The following QSOX2 variants were observed in gnomAD, a reference collection of about 807,000 sequenced individuals.
QSOX2 encodes the protein quiescin sulfhydryl oxidase 2.
QSOX2 carries 46 observed loss-of-function variants against 61.7 expected under a neutral mutation model. The ratio of observed to expected loss-of-function variants is 0.75; its 90% CI spans 0.59 to 0.95. The LOEUF (loss-of-function observed/expected upper bound fraction) is 0.95. Among genes scored for constraint, QSOX2 ranks in the 40% least tolerant of loss-of-function variants. The pLI, the probability that QSOX2 is intolerant of heterozygous loss-of-function variation, is 0.00. For synonymous variants in QSOX2, 383 were observed against 388.4 expected, an observed-to-expected ratio of 0.99 and a Z score of 0.16; for missense variants, 879 against 918.9, an observed-to-expected ratio of 0.96 and a Z score of 0.56.
intron 8 of QSOX2, among the ~76,000 whole-genome samples, chr9:136,217,109 C>G (rs1267714277): frequency 1.3e-5 from 2 of 152,254 alleles, no homozygotes; most frequent in African/African-American, 4.8e-5. Context: ...CTGACCCCGC[C>G]TGCCCGCCCG....
intron 1 of QSOX2, among the ~76,000 whole-genome samples, chr9:136,231,220 G>A (rs982126137): frequency 6.6e-6 from 1 of 152,168 alleles, no homozygotes; most frequent in Non-Finnish European, 1.5e-5. Flanking sequence ...CACACACCTC[G>A]AGCATGGAGG....
chr9:136,210,472 G>C (rs947114615), intron 11 of QSOX2: 4 of 985,222 alleles, frequency 4.1e-6, no homozygotes, highest in African/African-American at 1.7e-5. Flanking sequence ...CCGAGGGCTC[G>C]GGGAAAGCAC....
intron 6 of QSOX2, among the ~76,000 whole-genome samples, chr9:136,220,298 G>A (rs375228715): frequency 3.3e-5 from 5 of 152,314 alleles, no homozygotes; most frequent in African/African-American, 1.2e-4. Flanking sequence ...GAAAGTGCTG[G>A]GATTACAGGT....
At position 136,230,265 on chromosome 9, in the gene QSOX2, G is replaced by A. The variant is rs376807669; in HGVS notation, c.329-3391C>T. Among the ~76,000 whole-genome samples the A allele has an allele frequency of 1.3e-3, 199 of 152,320 alleles. 2 individuals carry two copies. Among genetic ancestry groups the A allele is most frequent in the African/African-American group, 4.4e-3 (181 of 41,576 alleles). On this transcript the variant is annotated intron_variant, in intron 1 of 11. Coordinates refer to ENST00000358701, the MANE Select transcript of QSOX2 (RefSeq NM_181701.4). Reference sequence around the variant, plus strand: ...CTGCACTCCAGCCTGGCGCCAGAGCGAGACTCTATCTCAAAAAACCCTAAA... The same window carrying A: ...CTGCACTCCAGCCTGGCGCCAGAGCAAGACTCTATCTCAAAAAACCCTAAA...
chr9:136,235,433 A>T (rs1830372547), intron 1 of QSOX2, among the ~76,000 whole-genome samples: 1 of 152,212 alleles, frequency 6.6e-6, no homozygotes, highest in Admixed American at 6.5e-5. Flanking sequence ...GGCAGGGCAG[A>T]AGGGGAGGCG....
chr9:136,215,374 G>C, intron 9 of QSOX2, 70 bp from the exon 10 acceptor site: 1 of 1,344,188 alleles, frequency 7.4e-7, no homozygotes, highest in Non-Finnish European at 9.9e-7. Flanking sequence ...ACAGTCGACA[G>C]CTGCCTTCTT....
In QSOX2 at chr9:136,221,213, C is replaced by G. The variant is rs1226212718; in HGVS notation, c.821+583G>C. On this transcript the variant is annotated intron_variant, in intron 6 of 11. Transcript: ENST00000358701. This position sits in a 1 kb window ranked among gnomAD's most constrained non-coding sequence, Gnocchi z 4.5. ...CCCACGCAGGGGCAAAGGGCTTATC[C>G]TCATGAGGGGCACACAGGCACCCCA... 6.9e-6 allele frequency among the ~76,000 whole-genome samples: 1 copy of G among 145,420 alleles called. No individual in the cohort carries two copies. Among genetic ancestry groups the G allele is most frequent in the African/African-American group, 2.7e-5 (1 of 37,484 alleles).
In QSOX2 at chr9:136,206,705, C is replaced by A. The variant is rs371680064; in HGVS notation, c.*2023G>T. On this transcript the variant is annotated 3_prime_UTR_variant, in exon 12 of 12. Transcript: ENST00000358701. The stretch of plus-strand genomic sequence containing the variant: ...CTGAAAATCCTGCCCCTCAGCAGGA[C>A]GCAAGCTTGTTCCCCAAATAGTGGT... The A allele has an allele frequency of 6.6e-6, 1 of 152,314 alleles. No individual in the cohort carries two copies. The highest frequency in any genetic ancestry group is 6.5e-5 in the Admixed American group (1 of 15,274). 9.4% of individuals were successfully genotyped at this position (152,314 alleles called of 1,614,324 possible).
chr9:136,227,021 A>G (rs941751275), intron 1 of QSOX2, 147 bp from the exon 2 acceptor site: 2 of 662,426 alleles, frequency 3.0e-6, no homozygotes, highest in Non-Finnish European at 5.5e-6. Context: ...CTCATCACAC[A>G]GAGCGTCTAT....
In QSOX2 at chr9:136,208,929, T is replaced by C. The variant is rs1282351017; in HGVS notation, c.1896A>G (p.Lys632=). ...CCCCGGGCCCATCCAGACTCTGGAG[T>C]TTCCCGTCCAAGCTGTGATGCAAGC... ...PESLHHSLDG[K]LQSLDGPGAH... Residue 632 remains lysine, a synonymous_variant, in exon 12 of 12, where the codon AAA becomes AAG. Coordinates refer to ENST00000358701, the MANE Select transcript of QSOX2 (RefSeq NM_181701.4). 1.2e-6 allele frequency: 2 copies of C among 1,613,182 alleles called. No homozygotes were observed. Among genetic ancestry groups the C allele is most frequent in the Admixed American group, 1.7e-5 (1 of 59,958 alleles).
In QSOX2 at chr9:136,216,665, C is replaced by T. The variant is rs759251212; in HGVS notation, c.1144G>A (p.Ala382Thr). 1 of 1,613,940 alleles carries T rather than the reference C, an allele frequency of 6.2e-7. No homozygotes were observed. The highest frequency in any genetic ancestry group is 1.1e-5 in the South Asian group (1 of 91,078). Residue 382 changes from alanine (A) to threonine (T), a missense_variant, in exon 9 of 12, where the codon GCC becomes ACC. Coordinates refer to ENST00000358701, the MANE Select transcript of QSOX2 (RefSeq NM_181701.4). ...KLLEMLQEWLASLPLDRIPYN... is the reference protein window; with the variant it reads ...KLLEMLQEWLTSLPLDRIPYN... ...GGGATCCTGTCCAGGGGAAGGCTGG[C>T]CAGCCACTCCTGCAGCATCTCCAAC...
intron 8 of QSOX2, among the ~76,000 whole-genome samples, chr9:136,217,353 C>T (rs1332647247): frequency 6.6e-6 from 1 of 152,186 alleles, no homozygotes; most frequent in African/African-American, 2.4e-5. Context: ...GAAAGAGCTC[C>T]GAAAACCCGA....
Position 136,211,261 on chromosome 9 carries a change from C to T in QSOX2, c.1549+3G>A. ...GAGCCCCCCATGCCCAGGGGCTTCT[C>T]ACCTGCCAGGCGGCCGTTCACCATA... On this transcript the variant is annotated splice_donor_region_variant and intron_variant, in intron 11 of 11. Transcript: ENST00000358701. The T allele has an allele frequency of 3.1e-6, 5 of 1,613,640 alleles. No individual in the cohort carries two copies. Among genetic ancestry groups the T allele is most frequent in the Non-Finnish European group, 4.2e-6 (5 of 1,179,610 alleles).
chr9:136,210,593 A>ACCCCGG, intron 11 of QSOX2: 14 of 985,256 alleles, frequency 1.4e-5, no homozygotes, highest in Non-Finnish European at 1.7e-5. Flanking sequence ...TCGTCACATG[A>ACCCCGG]CCCCGGCCCC....
chr9:136,214,765 G>A (rs1254113768), intron 10 of QSOX2, among the ~76,000 whole-genome samples: 1 of 152,224 alleles, frequency 6.6e-6, no homozygotes, highest in Non-Finnish European at 1.5e-5. Context: ...GGTTCTGGCT[G>A]CTAAATTTTG....
intron 1 of QSOX2, among the ~76,000 whole-genome samples, chr9:136,237,336 G>A (rs1316187950): frequency 7.6e-6 from 1 of 132,346 alleles, no homozygotes; most frequent in African/African-American, 2.9e-5. Flanking sequence ...CCTGCTCTGG[G>A]CCGGCGTCAC....
chr9:136,223,720 A>C lies in QSOX2; in HGVS notation c.675+43T>G. 1.3e-6 allele frequency: 2 copies of C among 1,517,606 alleles called. No homozygotes were observed. Among genetic ancestry groups the C allele is most frequent in the Non-Finnish European group, 1.8e-6 (2 of 1,096,786 alleles). 94.0% of individuals were successfully genotyped at this position (1,517,606 alleles called of 1,614,324 possible). A position where few individuals can be genotyped will look rare whatever the true frequency, so the allele number is the denominator to read the frequency against. The stretch of plus-strand genomic sequence containing the variant: ...CATCACAGATCCACCGCCAACCCCA[A>C]TCACACCACGTGTGACACCTGGAGC... On this transcript the variant is annotated intron_variant, in intron 5 of 11. Transcript: ENST00000358701. The surrounding 1 kb of genome is among the most constrained non-coding windows in gnomAD (Gnocchi z 4.4).
intron 1 of QSOX2, among the ~76,000 whole-genome samples, chr9:136,235,903 G>A (rs573505158): frequency 7.8e-4 from 119 of 152,336 alleles, no homozygotes; most frequent in Non-Finnish European, 1.0e-3. Flanking sequence ...TTTCATCAGC[G>A]ACACTCTCTG....
At position 136,216,627 on chromosome 9, in the gene QSOX2, C is replaced by T; in HGVS notation, c.1182G>A (p.Val394=). The change falls in exon 9 of 12, where the codon GTG becomes GTA. Residue 394 remains valine (V), a synonymous_variant. Transcript: ENST00000358701. The stretch of plus-strand genomic sequence containing the variant: ...GCATCTTGTTGTTGACCAGGTCAAG[C>T]ACGGCGTTGTAGGGGATCCTGTCCA... The part of the protein sequence containing the change: ...LPLDRIPYNA[V]LDLVNNKMRI... 1 of 1,613,948 alleles carries T rather than the reference C, an allele frequency of 6.2e-7. No homozygotes were observed. Among genetic ancestry groups the T allele is most frequent in the Non-Finnish European group, 8.5e-7 (1 of 1,179,986 alleles).
Sources: allele counts gnomAD v4.1 joint callset (sites outside exome capture counted in the v4.1 genomes callset), GRCh38; gene constraint gnomAD v4.1.1; non-coding constraint Gnocchi (gnomAD v3.1); transcripts MANE v1.5; gene names NCBI Gene and HGNC (gene_info 2026-07-23, HGNC 2026-07-21).